The following TAOK3 variants were observed in gnomAD, a reference collection of about 807,000 sequenced individuals.
The protein encoded by TAOK3 is TAO kinase 3.
A neutral mutation model predicts 120.4 loss-of-function variants in TAOK3; 40 were observed. That is an observed-to-expected ratio of 0.33 (90% confidence interval 0.26 to 0.43). The LOEUF (loss-of-function observed/expected upper bound fraction) is 0.43. Among genes scored for constraint, TAOK3 ranks in the 20% least tolerant of loss-of-function variants. The pLI is 1.00. For synonymous variants in TAOK3, 355 were observed against 387.5 expected (o/e 0.92, Z 0.99); for missense variants, 821 against 1,112.1 (o/e 0.74, Z 3.72).
At chr12:118,250,682 A>G (rs1162235130) in intron 3 of TAOK3, among the ~76,000 whole-genome samples, 2 of 152,202 alleles carry the variant, frequency 1.3e-5, no homozygotes, top group African/African-American at 4.8e-5. Context: ...CCCAGTACCT[A>G]TCTCTCCTCT....
chr12:118,167,802 G>A (rs868629914), intron 17 of TAOK3, among the ~76,000 whole-genome samples: 5 of 151,758 alleles, frequency 3.3e-5, no homozygotes, highest in Middle Eastern at 6.8e-3. Context: ...GAACAGAAAC[G>A]ATACAAAGAC....
chr12:118,168,606 T>G (rs944067275), intron 17 of TAOK3, among the ~76,000 whole-genome samples: 1 of 152,214 alleles, frequency 6.6e-6, no homozygotes, highest in African/African-American at 2.4e-5. Flanking sequence ...CTTTGAACAT[T>G]TTCATGAAGG....
chr12:118,299,813 A>G (rs534743971), intron 1 of TAOK3, among the ~76,000 whole-genome samples: 1 of 152,230 alleles, frequency 6.6e-6, no homozygotes, highest in African/African-American at 2.4e-5. Context: ...CCCAGCCACT[A>G]AAGGTTATTT....
At chr12:118,246,594 G>C (rs3999641) in intron 3 of TAOK3, 1 of 1,573,984 alleles carries the variant, frequency 6.4e-7, no homozygotes, top group African/African-American at 1.3e-5. Flanking sequence ...AGGCTACTGG[G>C]GGAACAAGAT....
At chr12:118,253,874 C>A (rs1433002341) in intron 3 of TAOK3, among the ~76,000 whole-genome samples, 1 of 152,102 alleles carries the variant, frequency 6.6e-6, no homozygotes, top group Non-Finnish European at 1.5e-5. Flanking sequence ...CATGGTGAAA[C>A]CCGGTCTCTA....
At chr12:118,348,470 A>G (rs1279889214) in intron 1 of TAOK3, among the ~76,000 whole-genome samples, 1 of 143,988 alleles carries the variant, frequency 6.9e-6, no homozygotes, top group Non-Finnish European at 1.5e-5. Context: ...TTTTTTTTTG[A>G]GACGGAGTCT....
chr12:118,341,289 C>G (rs2044609003), intron 1 of TAOK3, among the ~76,000 whole-genome samples: 1 of 152,038 alleles, frequency 6.6e-6, no homozygotes, highest in Non-Finnish European at 1.5e-5. Context: ...GAGTGAGCCA[C>G]AGCACCAGCC....
rs1025935057 is a variant in TAOK3, at chr12:118,251,429, T to C, written c.120+4019A>G. Among the ~76,000 whole-genome samples the C allele has an allele frequency of 2.0e-5, 3 of 152,212 alleles. No homozygotes were observed. The East Asian group carries it at 5.8e-4, about 29-fold the overall frequency. The stretch of plus-strand genomic sequence containing the variant: ...TTTTAATCTGTTTTTTAGTGCTTTA[T>C]GGGTGTACATAGGCCTGTACTTTTC... On this transcript the variant is annotated intron_variant, in intron 3 of 20. Coordinates refer to ENST00000392533, the MANE Select transcript of TAOK3 (RefSeq NM_016281.4).
chr12:118,348,691 C>T lies in TAOK3; in HGVS notation c.-194+23957G>A, dbSNP rs560038706. On this transcript the variant is annotated intron_variant, in intron 1 of 20. Transcript: ENST00000392533. The stretch of plus-strand genomic sequence containing the variant: ...GGTCTCGATCTCCTGACCTCTTGAT[C>T]CACCCGTCTCAGCCTCCCAAAGTGA... Among the ~76,000 whole-genome samples the T allele has an allele frequency of 6.6e-4, 101 of 152,190 alleles. 1 individual carries two copies. Among genetic ancestry groups the T allele is most frequent in the African/African-American group, 2.3e-3 (96 of 41,520 alleles).
At chr12:118,316,304 T>C (rs1200573567) in intron 1 of TAOK3, among the ~76,000 whole-genome samples, 1 of 152,226 alleles carries the variant, frequency 6.6e-6, no homozygotes, top group Non-Finnish European at 1.5e-5. Flanking sequence ...TGGTTAAATA[T>C]ACTAGCTTAC....
At chr12:118,231,402 T>TAA (rs1026068237) in intron 9 of TAOK3, among the ~76,000 whole-genome samples, 1 of 149,270 alleles carries the variant, frequency 6.7e-6, no homozygotes, top group Non-Finnish European at 1.5e-5. Context: ...TTCTTTAATG[T>TAA]AAAAAAAAAA....
At chr12:118,156,746 T>C (rs900803372) in intron 19 of TAOK3, among the ~76,000 whole-genome samples, 2 of 152,012 alleles carry the variant, frequency 1.3e-5, no homozygotes, top group African/African-American at 4.8e-5. Flanking sequence ...TATTTTTGTT[T>C]TTTTTTTAGA....
chr12:118,199,468 T>C, intron 12 of TAOK3: 1 of 581,930 alleles, frequency 1.7e-6, no homozygotes. Flanking sequence ...GGGGCCATTC[T>C]GGACGTGGGT....
At chr12:118,153,277 G>A (rs1271264774) in intron 19 of TAOK3, among the ~76,000 whole-genome samples, 1 of 152,114 alleles carries the variant, frequency 6.6e-6, no homozygotes, top group Non-Finnish European at 1.5e-5. Flanking sequence ...CAGGCATGGT[G>A]GCATGTGCCT....
At chr12:118,192,847 A>T (rs2037502615) in intron 13 of TAOK3, among the ~76,000 whole-genome samples, 1 of 152,228 alleles carries the variant, frequency 6.6e-6, no homozygotes, top group African/African-American at 2.4e-5. Flanking sequence ...CAGATTATTT[A>T]CAAATGATAA....
chr12:118,251,428 A>G (rs1376628122), intron 3 of TAOK3, among the ~76,000 whole-genome samples: 1 of 152,138 alleles, frequency 6.6e-6, no homozygotes, highest in Non-Finnish European at 1.5e-5. Flanking sequence ...TTAGTGCTTT[A>G]TGGGTGTACA....
intron 1 of TAOK3, among the ~76,000 whole-genome samples, chr12:118,299,243 ATAT>A (rs1321843562): frequency 6.6e-6 from 1 of 152,236 alleles, no homozygotes; most frequent in Non-Finnish European, 1.5e-5. Context: ...CTTTTGAATA[ATAT>A]TCACTTGTTT....
chr12:118,265,613 AG>A (rs1393242579), intron 2 of TAOK3, among the ~76,000 whole-genome samples: 5 of 152,192 alleles, frequency 3.3e-5, no homozygotes, highest in Admixed American at 3.3e-4. Flanking sequence ...GGCAAATAAG[AG>A]GAAAAAATAT....
Position 118,246,591 on chromosome 12 carries a change from T to G in TAOK3, c.121-1626A>C. On this transcript the variant is annotated intron_variant, in intron 3 of 20. Transcript: ENST00000392533. ...CATTGTCCCCGTGCGCAGAGGCTAC[T>G]GGGGGAACAAGATCGGCAAGCCCCA... 3 of 1,573,410 alleles carry G rather than the reference T, an allele frequency of 1.9e-6. No homozygotes were observed. In the South Asian group the frequency reaches 3.4e-5, roughly 18 times the overall value.
Sources: gnomAD v4.1 joint callset for allele counts (sites outside exome capture counted in the v4.1 genomes callset) on GRCh38, gnomAD v4.1.1 for gene constraint, MANE v1.5 for transcripts, NCBI Gene and HGNC (gene_info 2026-07-23, HGNC 2026-07-21) for gene names.